The following APPL2 variants were observed in gnomAD, a reference collection of about 807,000 sequenced individuals.
The protein encoded by APPL2 is adaptor protein, phosphotyrosine interacting with PH domain and leucine zipper 2.
In APPL2, 84 loss-of-function variants were observed where a neutral mutation model predicts 92.7. The ratio of observed to expected loss-of-function variants is 0.91; its 90% CI spans 0.76 to 1.09. The LOEUF (loss-of-function observed/expected upper bound fraction) is 1.09, where lower values mean the gene tolerates loss of function less well. APPL2 is among the 50% of genes least tolerant of loss of function. The pLI is 0.00. For missense variants in APPL2, 736 were observed against 824.5 expected, an observed-to-expected ratio of 0.89 and a Z score of 1.31; for synonymous variants, 291 against 291.0, an observed-to-expected ratio of 1.00 and a Z score of 0.00.
chr12:105,229,576 GCCTCT>G (rs1316262493), intron 1 of APPL2: 7 of 1,009,854 alleles, frequency 6.9e-6, no homozygotes, highest in Middle Eastern at 5.0e-4. Flanking sequence ...TAAAAGGGCA[GCCTCT>G]CCTCTCAAGT....
intron 5 of APPL2, among the ~76,000 whole-genome samples, 195 bp from the exon 6 acceptor site, chr12:105,208,394 A>T (rs1355546142): frequency 6.6e-6 from 1 of 152,124 alleles, no homozygotes; most frequent in Non-Finnish European, 1.5e-5. Flanking sequence ...ACCATGCCCC[A>T]CACCCAGTGA....
intron 14 of APPL2, among the ~76,000 whole-genome samples, chr12:105,192,960 CT>C (rs975842594): frequency 3.0e-4 from 46 of 152,250 alleles, no homozygotes; most frequent in African/African-American, 6.3e-4. Flanking sequence ...TTCTCTGATT[CT>C]TTCCCCCCCC....
At chr12:105,217,558 G>T in intron 3 of APPL2, 108 bp downstream of exon 3, 1 of 1,094,096 alleles carries the variant, frequency 9.1e-7, no homozygotes, top group Non-Finnish European at 1.3e-6. Flanking sequence ...AAAAAACTAT[G>T]AAGAAAATGA....
chr12:105,197,676 G>T (rs372880576), intron 11 of APPL2, 89 bp downstream of exon 11: 2 of 1,505,174 alleles, frequency 1.3e-6, no homozygotes, highest in Non-Finnish European at 1.8e-6. Context: ...CCCACAGAGG[G>T]CTGGCACATA....
chr12:105,215,556 G>C (rs1889614655), intron 4 of APPL2, among the ~76,000 whole-genome samples: 1 of 152,154 alleles, frequency 6.6e-6, no homozygotes, highest in African/African-American at 2.4e-5. Flanking sequence ...ATAAATAATG[G>C]CTTGTTGAAC....
chr12:105,200,896 C>CTATCTTTT (rs1888138338), intron 9 of APPL2, among the ~76,000 whole-genome samples: 1 of 140,744 alleles, frequency 7.1e-6, no homozygotes, highest in Non-Finnish European at 1.5e-5. Context: ...ATCTATCTAT[C>CTATCTTTT]TATCTATCCT....
chr12:105,193,197 T>C (rs1246824599), intron 14 of APPL2, among the ~76,000 whole-genome samples: 1 of 152,164 alleles, frequency 6.6e-6, no homozygotes, highest in Non-Finnish European at 1.5e-5. Flanking sequence ...TATTCTAGAA[T>C]AGGGGGAAAA....
chr12:105,188,464 T>C lies in APPL2; in HGVS notation c.1460-17A>G. The C allele has an allele frequency of 6.2e-7, 1 of 1,613,524 alleles. No homozygotes were observed. The highest frequency in any genetic ancestry group is 8.5e-7 in the Non-Finnish European group (1 of 1,179,600). On this transcript the variant is annotated splice_polypyrimidine_tract_variant and intron_variant, in intron 16 of 20. Coordinates refer to ENST00000258530, the MANE Select transcript of APPL2 (RefSeq NM_018171.5). ...AAAGAGAATCTGGAAGACAGCATTTTCCACTCAGGATCTCATTTACTTCCT... is the reference window on the plus strand; with the variant it reads ...AAAGAGAATCTGGAAGACAGCATTTCCCACTCAGGATCTCATTTACTTCCT...
chr12:105,173,759 A>T lies in APPL2; in HGVS notation c.*555T>A, dbSNP rs1353719346. 1 of 152,330 alleles carries T rather than the reference A, an allele frequency of 6.6e-6. No individual in the cohort carries two copies. Among genetic ancestry groups the T allele is most frequent in the African/African-American group, 2.4e-5 (1 of 41,454 alleles). The allele number at this position is 152,330 out of a possible 1,614,324, so 9.4% of individuals were successfully genotyped here. On this transcript the variant is annotated 3_prime_UTR_variant, in exon 21 of 21. Transcript: ENST00000258530. ...TACCGAAACTAGACCTGTATCGCGC[A>T]TCTCTACTAGTGCTTGGGCCTCAAA...
intron 16 of APPL2, 92 bp downstream of exon 16, chr12:105,189,680 T>C (rs1041931609): frequency 2.2e-6 from 3 of 1,358,654 alleles, no homozygotes; most frequent in Non-Finnish European, 2.1e-6. Context: ...CTCCTAATCA[T>C]AGCTCTCTAA....
chr12:105,176,807 C>A, intron 19 of APPL2, 69 bp downstream of exon 19: 2 of 1,553,980 alleles, frequency 1.3e-6, no homozygotes, highest in East Asian at 2.3e-5. Context: ...GGAAGTAATG[C>A]CAGAAAACTC....
At chr12:105,208,346 G>A (rs1346552793) in intron 5 of APPL2, 147 bp from the exon 6 acceptor site, 1 of 947,114 alleles carries the variant, frequency 1.1e-6, no homozygotes, top group East Asian at 2.5e-5. Flanking sequence ...GGCTGGCCCA[G>A]AGGCTGGGAC....
chr12:105,178,108 C>A (rs921495896), intron 17 of APPL2, among the ~76,000 whole-genome samples: 3 of 152,084 alleles, frequency 2.0e-5, no homozygotes, highest in Admixed American at 6.6e-5. Context: ...TATATTTCTT[C>A]AACAGTATTT....
intron 2 of APPL2, among the ~76,000 whole-genome samples, chr12:105,218,457 T>C (rs1340540167): frequency 1.3e-5 from 2 of 152,204 alleles, no homozygotes; most frequent in African/African-American, 2.4e-5. Flanking sequence ...AGAAAAATAC[T>C]GGCTGTGTTG....
intron 9 of APPL2, among the ~76,000 whole-genome samples, chr12:105,200,880 CTATCTATCTATCTATCTATCT>C (rs1888130751): frequency 1.6e-5 from 2 of 122,404 alleles, no homozygotes; most frequent in African/African-American, 6.5e-5. Context: ...ATCTATCTAT[CTATCTATCTATCTATCTATCT>C]ATCCTATCTA....
rs750774773 is a variant in APPL2, at chr12:105,199,510, G to A, written c.726C>T (p.Ala242=). The change falls in exon 10 of 21, where the codon GCC becomes GCT. Residue 242 remains alanine, a synonymous_variant. Transcript: ENST00000258530. ...GGGACACCCGCATCTTTTCCGCCTC[G>A]GCTTCCAGTTCTACCTGAATGCTTA... ...MVQSIQVELE[A]EAEKMRVSQQ... The A allele has an allele frequency of 1.4e-5, 22 of 1,613,654 alleles. No individual in the cohort carries two copies. The highest frequency in any genetic ancestry group is 4.4e-5 in the South Asian group (4 of 91,054).
At chr12:105,217,217 C>T (rs1889763731) in intron 3 of APPL2, 77 bp from the exon 4 acceptor site, 2 of 899,014 alleles carry the variant, frequency 2.2e-6, no homozygotes, top group East Asian at 2.5e-5. Context: ...CTGCAGAACA[C>T]GACCCTCCAC....
Position 105,188,408 on chromosome 12 carries a change from C to T in APPL2, c.1499G>A (p.Gly500Glu). The T allele has an allele frequency of 5.0e-6, 8 of 1,614,100 alleles. No individual in the cohort carries two copies. The highest frequency in any genetic ancestry group is 5.9e-6 in the Non-Finnish European group (7 of 1,179,982). The part of the protein sequence containing the change: ...LQQMFIVRFL[G>E]SMAVKTDSTT... ...GCTGTCTGTTTTAACTGCCATTGAT[C>T]CCAAAAACCGAACTATAAACATCTG... The change falls in exon 17 of 21, where the codon GGA (glycine) becomes GAA (glutamate). Residue 500 changes from glycine to glutamate, a missense_variant. Coordinates refer to ENST00000258530, the MANE Select transcript of APPL2 (RefSeq NM_018171.5).
chr12:105,219,563 A>G (rs1449276097), intron 2 of APPL2, among the ~76,000 whole-genome samples: 12 of 152,258 alleles, frequency 7.9e-5, no homozygotes, highest in Admixed American at 5.2e-4. Context: ...TGATGAATGA[A>G]TGAATGAACA....
Sources: gnomAD v4.1 joint callset for allele counts (sites outside exome capture counted in the v4.1 genomes callset) on GRCh38, gnomAD v4.1.1 for gene constraint, MANE v1.5 for transcripts, NCBI Gene and HGNC (gene_info 2026-07-23, HGNC 2026-07-21) for gene names.